ERGIC1: variants seen among roughly 807,000 people sequenced by gnomAD.
ERGIC1 encodes endoplasmic reticulum-golgi intermediate compartment 1.
A neutral mutation model predicts 38.3 loss-of-function variants in ERGIC1; 19 were observed. The ratio of observed to expected loss-of-function variants is 0.50; its 90% CI spans 0.35 to 0.73. The LOEUF (loss-of-function observed/expected upper bound fraction) is 0.73, where lower values mean the gene tolerates loss of function less well. ERGIC1 is among the 30% of genes least tolerant of loss of function. The pLI, the probability that ERGIC1 is intolerant of heterozygous loss-of-function variation, is 0.01. For synonymous variants in ERGIC1, 124 were observed against 157.6 expected (o/e 0.79, Z 1.60); for missense variants, 294 against 389.2 (o/e 0.76, Z 2.06).
intron 1 of ERGIC1, among the ~76,000 whole-genome samples, chr5:172,858,032 A>AT (rs1289283187): frequency 2.0e-5 from 3 of 152,198 alleles, no homozygotes; most frequent in African/African-American, 7.2e-5. Context: ...TAAATGTATA[A>AT]TTCTCAGTTG....
rs368549038 is a variant in ERGIC1, at chr5:172,880,471, G to A, written c.21-8228G>A. Reference sequence around the variant, plus strand: ...CTCCCAAGTAGCTGGGACTACAGGCGACCACCACCACACCCAACCAATTTT... The same window carrying A: ...CTCCCAAGTAGCTGGGACTACAGGCAACCACCACCACACCCAACCAATTTT... On this transcript the variant is annotated intron_variant, in intron 1 of 9. Coordinates refer to ENST00000393784, the MANE Select transcript of ERGIC1 (RefSeq NM_001031711.3). 4.2e-4 allele frequency among the ~76,000 whole-genome samples: 63 copies of A among 151,692 alleles called. No individual in the cohort carries two copies. The East Asian group carries it at 9.9e-3, about 24-fold the overall frequency.
At chr5:172,923,890 C>T in intron 5 of ERGIC1, 115 bp from the exon 6 acceptor site, 3 of 920,962 alleles carry the variant, frequency 3.3e-6, no homozygotes, top group Non-Finnish European at 5.2e-6. Flanking sequence ...AAGCAGGATC[C>T]AAACCCAGAT....
At chr5:172,859,307 C>T (rs947168597) in intron 1 of ERGIC1, among the ~76,000 whole-genome samples, 1 of 152,196 alleles carries the variant, frequency 6.6e-6, no homozygotes, top group African/African-American at 2.4e-5. Flanking sequence ...GGCCCAGCCC[C>T]ACACCCAGCC....
At chr5:172,947,183 CAAA>C (rs11308202) in intron 9 of ERGIC1, among the ~76,000 whole-genome samples, 39 of 122,278 alleles carry the variant, frequency 3.2e-4, no homozygotes, top group Admixed American at 4.1e-4. Context: ...GACTCAATCT[CAAA>C]AAAAAAAAAA....
intron 1 of ERGIC1, among the ~76,000 whole-genome samples, chr5:172,883,061 T>G (rs572120418): frequency 6.6e-6 from 1 of 152,290 alleles, no homozygotes; most frequent in East Asian, 1.9e-4. Context: ...GCCTCCTGAG[T>G]AACTGGGATT....
chr5:172,908,079 C>T lies in ERGIC1; in HGVS notation c.156-1588C>T, dbSNP rs572539250. Among the ~76,000 whole-genome samples, 4 of 151,718 alleles carry T rather than the reference C, an allele frequency of 2.6e-5. No individual in the cohort carries two copies. In the South Asian group the frequency reaches 6.3e-4, roughly 24 times the overall value. The stretch of plus-strand genomic sequence containing the variant: ...GTCGACAGAATAATGACCCCCTGCC[C>T]CCTGTGATGTCTAGGTCCCTGTCCC... On this transcript the variant is annotated intron_variant, in intron 3 of 9. Coordinates refer to ENST00000393784, the MANE Select transcript of ERGIC1 (RefSeq NM_001031711.3).
intron 3 of ERGIC1, chr5:172,897,998 G>A (rs973178305): frequency 9.7e-6 from 4 of 410,966 alleles, no homozygotes; most frequent in East Asian, 7.1e-5. Context: ...CGACCTCATC[G>A]GACGCCCCTC....
intron 3 of ERGIC1, among the ~76,000 whole-genome samples, chr5:172,899,262 G>A (rs994454592): frequency 1.3e-5 from 2 of 151,754 alleles, no homozygotes; most frequent in Non-Finnish European, 2.9e-5. Context: ...CAGGCAGGAC[G>A]GAGAGGGGCC....
intron 1 of ERGIC1, among the ~76,000 whole-genome samples, chr5:172,874,729 C>T (rs1762100554): frequency 6.6e-6 from 1 of 151,862 alleles, no homozygotes; most frequent in South Asian, 2.1e-4. Flanking sequence ...GAGTTTGAGA[C>T]AGCCAGGGCA....
chr5:172,874,105 G>A (rs1762085383), intron 1 of ERGIC1, among the ~76,000 whole-genome samples: 1 of 151,916 alleles, frequency 6.6e-6, no homozygotes, highest in South Asian at 2.1e-4. Context: ...TTGAGATGGA[G>A]CCTTGCTCTG....
rs1763651257 is a variant in ERGIC1 at position 172,926,391 on chromosome 5, C to T, written c.481-118C>T. The T allele has an allele frequency of 3.1e-5, 34 of 1,105,568 alleles. No individual in the cohort carries two copies. Among genetic ancestry groups the T allele is most frequent in the Non-Finnish European group, 4.6e-5 (34 of 738,906 alleles). 68.5% of individuals were successfully genotyped at this position (1,105,568 alleles called of 1,614,324 possible). ...CTCCCCACAAATCCGCTGGAGCCCC[C>T]TTTTACACATTGGTAGGGTTCCTAG... On this transcript the variant is annotated intron_variant, in intron 6 of 9. Transcript: ENST00000393784. This position sits in a 1 kb window ranked among gnomAD's most constrained non-coding sequence, Gnocchi z 5.2.
chr5:172,893,347 C>T (rs1486453345), intron 2 of ERGIC1, among the ~76,000 whole-genome samples: 2 of 152,074 alleles, frequency 1.3e-5, no homozygotes, highest in Non-Finnish European at 1.5e-5. Flanking sequence ...GGGTTTTCAC[C>T]GTGTTGGCCA....
At chr5:172,930,675 G>T (rs1301559342) in intron 7 of ERGIC1, among the ~76,000 whole-genome samples, 4 of 152,148 alleles carry the variant, frequency 2.6e-5, no homozygotes, top group Non-Finnish European at 5.9e-5. Context: ...TATTACAGGG[G>T]TGATTTTGAT....
At chr5:172,948,854 G>A (rs1039660806) in intron 9 of ERGIC1, among the ~76,000 whole-genome samples, 2 of 152,116 alleles carry the variant, frequency 1.3e-5, no homozygotes, top group Non-Finnish European at 1.5e-5. Context: ...TTCGAGACCA[G>A]CCTGGGCAAC....
At chr5:172,943,282 C>T (rs1022926887) in intron 9 of ERGIC1, among the ~76,000 whole-genome samples, 11 of 152,000 alleles carry the variant, frequency 7.2e-5, no homozygotes, top group African/African-American at 2.7e-4. Flanking sequence ...AAAATGTCAG[C>T]GGGAGGCCTC....
chr5:172,898,977 A>G (rs562214130), intron 3 of ERGIC1, among the ~76,000 whole-genome samples: 1 of 152,238 alleles, frequency 6.6e-6, no homozygotes, highest in East Asian at 1.9e-4. Flanking sequence ...TACCTGTTGT[A>G]TGCCAGGCAC....
rs546710198 is a variant in ERGIC1, at chr5:172,903,105, G to A, written c.155+6031G>A. ...CGTCCCCCACCTGGAATGTGCTCCC[G>A]ACTGCTCCACCAGCGCGTGCCTTCC... On this transcript the variant is annotated intron_variant, in intron 3 of 9. Coordinates refer to ENST00000393784, the MANE Select transcript of ERGIC1 (RefSeq NM_001031711.3). Among the ~76,000 whole-genome samples the A allele has an allele frequency of 4.6e-4, 70 of 151,684 alleles. 1 individual carries two copies. In the South Asian group the frequency reaches 0.014, roughly 31 times the overall value.
At chr5:172,868,571 G>T (rs191814663) in intron 1 of ERGIC1, among the ~76,000 whole-genome samples, 96 of 152,374 alleles carry the variant, frequency 6.3e-4, no homozygotes, top group Admixed American at 3.1e-3. Context: ...AATAGGCGGA[G>T]CACGGAGGAT....
rs908470708 is a variant in ERGIC1, at chr5:172,952,152, T to C, written c.*1336T>C. ...CCCAGGGAGAGAGCCACACGCCTGT[T>C]TTCCATTTATAGCAAGATTGTTTGC... is the stretch of plus-strand genomic sequence containing the variant. On this transcript the variant is annotated 3_prime_UTR_variant, in exon 10 of 10. Coordinates refer to ENST00000393784, the MANE Select transcript of ERGIC1 (RefSeq NM_001031711.3). The C allele has an allele frequency of 6.6e-6, 1 of 152,246 alleles. No homozygotes were observed. Among genetic ancestry groups the C allele is most frequent in the Non-Finnish European group, 1.5e-5 (1 of 68,052 alleles). The allele number at this position is 152,246 out of a possible 1,614,324, so 9.4% of individuals were successfully genotyped here.
Sources: gnomAD v4.1 joint callset for allele counts (sites outside exome capture counted in the v4.1 genomes callset) on GRCh38, gnomAD v4.1.1 for gene constraint, Gnocchi (gnomAD v3.1) non-coding constraint, MANE v1.5 for transcripts, NCBI Gene and HGNC (gene_info 2026-07-23, HGNC 2026-07-21) for gene names.